Variants in WTAP observed in about 807,000 individuals in gnomAD.
WTAP encodes WT1 associated protein, also known as pre-mRNA-splicing regulator WTAP.
In WTAP, 8 loss-of-function variants were observed where a neutral mutation model predicts 50.0. The ratio of observed to expected loss-of-function variants is 0.16; its 90% confidence interval spans 0.09 to 0.29. The LOEUF (loss-of-function observed/expected upper bound fraction) is 0.29, where lower values mean the gene tolerates loss of function less well. WTAP is among the 10% of genes least tolerant of loss of function. The pLI, the probability that WTAP is intolerant of heterozygous loss-of-function variation, is 1.00. For missense variants in WTAP, 295 were observed against 470.7 expected (o/e 0.63, Z 3.45); for synonymous variants, 194 against 169.0 (o/e 1.15, Z -1.15).
chr6:159,740,962 A>G (rs1779223038), intron 3 of WTAP, among the ~76,000 whole-genome samples: 1 of 152,164 alleles, frequency 6.6e-6, no homozygotes, highest in Non-Finnish European at 1.5e-5. Context: ...TCGGCCTCCC[A>G]AAGTGCTGGG....
chr6:159,745,664 A>G (rs994067990), intron 5 of WTAP, among the ~76,000 whole-genome samples: 82 of 152,304 alleles, frequency 5.4e-4, no homozygotes, highest in African/African-American at 1.6e-3. Flanking sequence ...AGAGGGGACT[A>G]CTGAAGAATT....
chr6:159,726,745 C>A, upstream of WTAP: 3 of 1,282,760 alleles, frequency 2.3e-6, no homozygotes, highest in South Asian at 2.5e-5. Flanking sequence ...AATAGCTCCT[C>A]GATGCGTCTC....
Position 159,742,139 on chromosome 6 carries a change from T to C in WTAP, c.138T>C (p.Asp46=), listed in dbSNP as rs747819552. ...AAGCTTTGGAGGGCAAGTACACAGA[T>C]CTTAACTGTAAGTTTGAGTTTTAGC... The part of the protein sequence containing the change: ...YVQALEGKYT[D]LNSNDVTGLR... Residue 46 remains aspartate, a synonymous_variant, in exon 4 of 8, where the codon GAT becomes GAC. Transcript: ENST00000621533. 6.2e-6 allele frequency: 10 copies of C among 1,604,924 alleles called. No individual in the cohort carries two copies. The East Asian group carries it at 2.2e-4, about 36-fold the overall frequency.
chr6:159,736,847 G>C (rs1255859275), intron 2 of WTAP: 1 of 152,044 alleles, frequency 6.6e-6, no homozygotes, highest in East Asian at 1.9e-4. Flanking sequence ...CACACACACA[G>C]TGGCTGTTAT....
rs903447663 is a variant in WTAP at position 159,755,346 on chromosome 6, A to G, written c.926A>G (p.Asn309Ser). 1.2e-6 allele frequency: 2 copies of G among 1,614,200 alleles called. No individual in the cohort carries two copies. Among genetic ancestry groups the G allele is most frequent in the Admixed American group, 1.7e-5 (1 of 60,028 alleles). ...GATGACTTTCCTTCTTCTCCAGGGA[A>G]TGGTAATAAGTCCTCCAACAGCTCA... The part of the protein sequence containing the change: ...TEDDFPSSPG[N>S]GNKSSNSSEE... The change falls in exon 8 of 8, where the codon AAT becomes AGT. Residue 309 changes from asparagine to serine, a missense_variant. Transcript: ENST00000621533.
At chr6:159,746,500 C>T (rs1171772675) in intron 5 of WTAP, among the ~76,000 whole-genome samples, 1 of 143,068 alleles carries the variant, frequency 7.0e-6, no homozygotes, top group Non-Finnish European at 1.6e-5. Flanking sequence ...TTTGTTTGTC[C>T]AGCATACTAA....
intron 1 of WTAP, among the ~76,000 whole-genome samples, chr6:159,735,637 T>C (rs1778864608): frequency 1.3e-5 from 2 of 151,982 alleles, no homozygotes; most frequent in African/African-American, 4.8e-5. Flanking sequence ...TAGTCCCAGC[T>C]ATTTAGGGGG....
intron 1 of WTAP, among the ~76,000 whole-genome samples, chr6:159,731,664 T>C (rs376404316): frequency 4.5e-4 from 69 of 152,268 alleles, no homozygotes; most frequent in African/African-American, 1.6e-3. Flanking sequence ...GAAGAAACTA[T>C]TAATTAAATG....
intron 1 of WTAP, among the ~76,000 whole-genome samples, chr6:159,733,974 A>C (rs753719983): frequency 5.9e-5 from 9 of 152,192 alleles, no homozygotes; most frequent in Non-Finnish European, 1.2e-4. Context: ...TCAATTTATG[A>C]TTTTTCCTCT....
At chr6:159,736,837 C>A (rs1180099304) in intron 2 of WTAP, 1 of 152,156 alleles carries the variant, frequency 6.6e-6, no homozygotes, top group Non-Finnish European at 1.5e-5. Flanking sequence ...CACACACATA[C>A]ACACACACAG....
intron 6 of WTAP, chr6:159,749,324 A>C (rs2114949215): frequency 1.0e-6 from 1 of 985,618 alleles, no homozygotes; most frequent in East Asian, 1.1e-4. Flanking sequence ...TGTTTAAAAG[A>C]GCTTTGTCGT....
intron 3 of WTAP, among the ~76,000 whole-genome samples, chr6:159,741,373 T>TA (rs1779245468): frequency 6.6e-6 from 1 of 152,234 alleles, no homozygotes; most frequent in Non-Finnish European, 1.5e-5. Context: ...CAGAAATTGA[T>TA]ACTACCTTGA....
Position 159,748,542 on chromosome 6 carries a change from T to C in WTAP, c.452+173T>C. ...AATGGTTAATGTAAAACTTACCAGA[T>C]GAACCTTGTGTTTCAGCTTTTTTCT... On this transcript the variant is annotated intron_variant, in intron 6 of 7. Coordinates refer to ENST00000621533, the MANE Select transcript of WTAP (RefSeq NM_001270531.2). The surrounding 1 kb of genome is among the most constrained non-coding windows in gnomAD (Gnocchi z 5.6). The C allele has an allele frequency of 7.3e-7, 1 of 1,370,658 alleles. No individual in the cohort carries two copies. Among genetic ancestry groups the C allele is most frequent in the East Asian group, 2.7e-5 (1 of 37,238 alleles). The allele number at this position is 1,370,658 out of a possible 1,614,324, so 84.9% of individuals were successfully genotyped here.
chr6:159,730,919 C>T (rs1778526425), intron 1 of WTAP: 1 of 152,010 alleles, frequency 6.6e-6, no homozygotes, highest in Non-Finnish European at 1.5e-5. Flanking sequence ...AAGCCAATGT[C>T]AGGAGTTGGA....
chr6:159,739,863 A>C (rs1779144219), intron 3 of WTAP, among the ~76,000 whole-genome samples: 1 of 126,234 alleles, frequency 7.9e-6, no homozygotes. Context: ...TTTTTGCCAT[A>C]ATCTCATACA....
intron 3 of WTAP, 86 bp downstream of exon 3, chr6:159,739,131 T>G: frequency 9.0e-7 from 1 of 1,109,576 alleles, no homozygotes; most frequent in Non-Finnish European, 1.3e-6. Context: ...GTGCCAGATA[T>G]TGTTTTTAAT....
At chr6:159,742,063 T>C (rs1323052579) in intron 3 of WTAP, 25 bp from the exon 4 acceptor site, 2 of 1,534,640 alleles carry the variant, frequency 1.3e-6, no homozygotes, top group East Asian at 4.5e-5. Context: ...TCGTAACAAC[T>C]AATGTATGGA....
intron 5 of WTAP, chr6:159,745,290 C>T (rs1048292972): frequency 2.0e-5 from 3 of 152,202 alleles, no homozygotes; most frequent in Non-Finnish European, 2.9e-5. Context: ...TATTCATGCA[C>T]ATCTGATTCT....
intron 5 of WTAP, among the ~76,000 whole-genome samples, chr6:159,745,750 A>C (rs1250699371): frequency 6.6e-6 from 1 of 152,204 alleles, no homozygotes; most frequent in African/African-American, 2.4e-5. Flanking sequence ...TGAGTATGAA[A>C]GATAGATTTG....
Sources: gnomAD v4.1 joint callset for allele counts (sites outside exome capture counted in the v4.1 genomes callset) on GRCh38, gnomAD v4.1.1 for gene constraint, Gnocchi (gnomAD v3.1) non-coding constraint, MANE v1.5 for transcripts, NCBI Gene and HGNC (gene_info 2026-07-23, HGNC 2026-07-21) for gene names.